Variants in C22orf31 observed in about 807,000 individuals in gnomAD.
The protein encoded by C22orf31 is chromosome 22 open reading frame 31.
Under a neutral mutation model 15.0 loss-of-function variants are expected in C22orf31, and 11 were observed. The ratio of observed to expected loss-of-function variants is 0.73; its 90% confidence interval spans 0.46 to 1.21. C22orf31 has a LOEUF of 1.21. C22orf31 is among the 50% of genes most tolerant of loss of function. The pLI is 0.00. For missense variants in C22orf31, 340 were observed against 347.2 expected (o/e 0.98, Z 0.17); for synonymous variants, 132 against 133.3 (o/e 0.99, Z 0.07).
At chr22:29,072,913 G>T in the C22orf31 span, among the ~76,000 whole-genome samples, 4 of 151,624 alleles carry the variant, frequency 2.6e-5, no homozygotes, top group African/African-American at 4.8e-5. Context: ...GCGTGCGTGC[G>T]CAGTGGGCTC....
At chr22:29,071,942 C>G in the C22orf31 span, among the ~76,000 whole-genome samples, 1 of 152,114 alleles carries the variant, frequency 6.6e-6, no homozygotes, top group Non-Finnish European at 1.5e-5. Flanking sequence ...CTCTGAAGGC[C>G]TTTTATTATT....
chr22:29,068,791 G>A, the C22orf31 span, among the ~76,000 whole-genome samples: 6 of 138,248 alleles, frequency 4.3e-5, no homozygotes, highest in Non-Finnish European at 9.1e-5. Context: ...TTGAGATGGA[G>A]TCTTGGTCTG....
chr22:29,073,849 T>C, the C22orf31 span, among the ~76,000 whole-genome samples: 16 of 151,636 alleles, frequency 1.1e-4, no homozygotes, highest in East Asian at 3.1e-3. The surrounding 1 kb of genome is among the most constrained non-coding windows in gnomAD (Gnocchi z 4.4). Context: ...CCTCCTGGGA[T>C]CCCGCCCCAA....
upstream of C22orf31, chr22:29,061,880 T>C (rs2037395819): frequency 8.8e-7 from 1 of 1,141,944 alleles, no homozygotes; most frequent in East Asian, 2.4e-5. Context: ...CTCTCTCTTT[T>C]TTTTTGTTTT....
At chr22:29,061,457 G>T (rs2037390994) in intron 1 of C22orf31, among the ~76,000 whole-genome samples, 1 of 152,032 alleles carries the variant, frequency 6.6e-6, no homozygotes, top group African/African-American at 2.4e-5. Context: ...GTAGAGACAG[G>T]GTTTCTCCAT....
At chr22:29,073,234 G>A in the C22orf31 span, 2 of 1,143,098 alleles carry the variant, frequency 1.7e-6, no homozygotes, top group Non-Finnish European at 2.2e-6. The surrounding 1 kb of genome is among the most constrained non-coding windows in gnomAD (Gnocchi z 4.4). Context: ...CCCGGTGAGT[G>A]TGAGCGACCC....
At chr22:29,061,443 T>G (rs1282210100) in intron 1 of C22orf31, among the ~76,000 whole-genome samples, 1 of 152,044 alleles carries the variant, frequency 6.6e-6, no homozygotes, top group Non-Finnish European at 1.5e-5. Context: ...ATGTTGTATT[T>G]TTAGTAGAGA....
chr22:29,064,675 A>ATTTTTTTTTTTTT (rs563569423), upstream of C22orf31, among the ~76,000 whole-genome samples: 1 of 51,326 alleles, frequency 1.9e-5, no homozygotes, highest in Non-Finnish European at 3.6e-5. Context: ...TTGCCCAGTG[A>ATTTTTTTTTTTTT]TTTTTTTTTT....
upstream of C22orf31, among the ~76,000 whole-genome samples, chr22:29,064,846 G>A (rs71327332): frequency 3.4e-3 from 516 of 149,732 alleles, 6 homozygotes; most frequent in East Asian, 0.035. Flanking sequence ...CCATGTGAAA[G>A]TTATTTTTTA....
chr22:29,072,686 A>G, the C22orf31 span, among the ~76,000 whole-genome samples: 1 of 152,164 alleles, frequency 6.6e-6, no homozygotes, highest in African/African-American at 2.4e-5. Context: ...GTCACGACCT[A>G]AGTGAGGGTG....
intron 2 of C22orf31, chr22:29,059,760 T>G: frequency 1.1e-6 from 1 of 950,774 alleles, no homozygotes; most frequent in Non-Finnish European, 1.2e-6. Flanking sequence ...TGACCACTGG[T>G]TGTGTGTGTG....
chr22:29,060,023 T>A (rs2037368325), intron 2 of C22orf31: 40 of 222,632 alleles, frequency 1.8e-4, no homozygotes, highest in Middle Eastern at 2.3e-3. Flanking sequence ...TTTCTTTTCT[T>A]TTTTTTTTTT....
the C22orf31 span, among the ~76,000 whole-genome samples, chr22:29,072,708 A>T: frequency 4.6e-5 from 7 of 152,204 alleles, no homozygotes; most frequent in African/African-American, 1.7e-4. Context: ...AGCAGGGGTC[A>T]CTGGGAGCCC....
At chr22:29,073,216 GC>G in the C22orf31 span, 1 of 1,177,320 alleles carries the variant, frequency 8.5e-7, no homozygotes, top group Non-Finnish European at 1.0e-6. This position sits in a 1 kb window ranked among gnomAD's most constrained non-coding sequence, Gnocchi z 4.4. Context: ...CCCGGCCTCG[GC>G]CCCGGACCCG....
At chr22:29,061,732 T>C in intron 1 of C22orf31, 58 bp downstream of exon 1, 1 of 1,294,674 alleles carries the variant, frequency 7.7e-7, no homozygotes, top group Non-Finnish European at 1.1e-6. Flanking sequence ...TAGAATCACA[T>C]ATTTAAAGAG....
chr22:29,061,496 C>T (rs1003231524), intron 1 of C22orf31, among the ~76,000 whole-genome samples: 1 of 152,094 alleles, frequency 6.6e-6, no homozygotes, highest in Non-Finnish European at 1.5e-5. Flanking sequence ...GAACTCCCCA[C>T]CTCAGATGAT....
chr22:29,060,342 T>C, intron 2 of C22orf31, 73 bp downstream of exon 2: 1 of 1,362,094 alleles, frequency 7.3e-7, no homozygotes, highest in Non-Finnish European at 1.0e-6. Flanking sequence ...ATCTCAACCG[T>C]TAAGTGTTCT....
At position 29,060,445 on chromosome 22, in the gene C22orf31, C is replaced by A; in HGVS notation, c.402G>T (p.Gly134=). 2.5e-6 allele frequency: 4 copies of A among 1,613,578 alleles called. No individual in the cohort carries two copies. The highest frequency in any genetic ancestry group is 3.4e-6 in the Non-Finnish European group (4 of 1,179,912). The change falls in exon 2 of 3, where the codon GGG becomes GGT. Residue 134 remains glycine (G), a synonymous_variant. Coordinates refer to ENST00000216071, the MANE Select transcript of C22orf31 (RefSeq NM_015370.2). ...FISSKSKQPA[G]HRRPAGGIRE... ...TGATGCCTCCTGCAGGCCTCCTATG[C>A]CCTGCTGGCTGCTTGCTCTTGGAAC...
chr22:29,073,255 G>A, the C22orf31 span: 1 of 1,035,232 alleles, frequency 9.7e-7, no homozygotes, highest in African/African-American at 1.7e-5. This position sits in a 1 kb window ranked among gnomAD's most constrained non-coding sequence, Gnocchi z 4.4. Flanking sequence ...CCCGCCGCCC[G>A]CCCTGAGCGG....
Sources: allele counts gnomAD v4.1 joint callset (sites outside exome capture counted in the v4.1 genomes callset), GRCh38; gene constraint gnomAD v4.1.1; non-coding constraint Gnocchi (gnomAD v3.1); transcripts MANE v1.5; gene names NCBI Gene and HGNC (gene_info 2026-07-23, HGNC 2026-07-21).